Variants in HAUS6 observed in about 807,000 individuals in gnomAD.
The protein encoded by HAUS6 is HAUS augmin-like complex subunit 6.
A neutral mutation model predicts 106.8 loss-of-function variants in HAUS6; 80 were observed. That is an observed-to-expected ratio of 0.75 (90% CI 0.63 to 0.90). The LOEUF (loss-of-function observed/expected upper bound fraction) is 0.90, where lower values mean the gene tolerates loss of function less well. Ranked by LOEUF, HAUS6 falls within the 40% of genes least tolerant of loss-of-function variation. The pLI is 0.00. For synonymous variants in HAUS6, 356 were observed against 379.1 expected (o/e 0.94, Z 0.71); for missense variants, 1,155 against 1,118.1 (o/e 1.03, Z -0.47).
chr9:19,082,483 T>C (rs953627340), intron 8 of HAUS6, among the ~76,000 whole-genome samples: 3 of 152,152 alleles, frequency 2.0e-5, no homozygotes, highest in African/African-American at 7.2e-5. Flanking sequence ...GTGCGGTGGC[T>C]CACGCCTGTA....
At chr9:19,099,171 GTT>G (rs149869558) in intron 1 of HAUS6, among the ~76,000 whole-genome samples, 10 of 143,012 alleles carry the variant, frequency 7.0e-5, no homozygotes, top group East Asian at 4.2e-4. Flanking sequence ...GTTTTTTTGT[GTT>G]TTTTTTTTTT....
Position 19,094,380 on chromosome 9 carries a change from T to C in HAUS6, c.240A>G (p.Pro80=), listed in dbSNP as rs1400392205. The C allele has an allele frequency of 1.9e-6, 3 of 1,601,858 alleles. No homozygotes were observed. In the African/African-American group the frequency reaches 4.0e-5, roughly 22 times the overall value. The part of the protein sequence containing the change: ...TKEVFKFCWP[P]FDQKSDTEFR... ...ATTCAGTGTCACTTTTTTGGTCAAA[T>C]GGGGGCCAACAAAATCTGGAAAACA... Residue 80 remains proline, a synonymous_variant, in exon 3 of 17, where the codon CCA becomes CCG. Transcript: ENST00000380502.
intron 7 of HAUS6, among the ~76,000 whole-genome samples, chr9:19,085,535 T>C (rs1388742851): frequency 1.3e-5 from 2 of 151,902 alleles, no homozygotes; most frequent in African/African-American, 4.8e-5. Flanking sequence ...ACAATGTGCC[T>C]TGGAAGCCAA....
intron 9 of HAUS6, among the ~76,000 whole-genome samples, chr9:19,080,199 A>AC (rs1564014945): frequency 6.6e-6 from 1 of 150,636 alleles, no homozygotes; most frequent in African/African-American, 2.4e-5. Context: ...AAAAAAAAAA[A>AC]CTTTCCTAAG....
intron 12 of HAUS6, among the ~76,000 whole-genome samples, chr9:19,067,835 A>T (rs7022807): frequency 6.6e-6 from 1 of 151,672 alleles, no homozygotes; most frequent in Non-Finnish European, 1.5e-5. Context: ...TGGGATTATA[A>T]GCATGCGCCA....
Position 19,054,254 on chromosome 9 carries a change from T to TA in HAUS6, c.*2088dup, listed in dbSNP as rs1836422762. 1 of 152,180 alleles carries TA rather than the reference T, an allele frequency of 6.6e-6. No homozygotes were observed. Among genetic ancestry groups the TA allele is most frequent in the South Asian group, 2.1e-4 (1 of 4,832 alleles). 9.4% of individuals were successfully genotyped at this position (152,180 alleles called of 1,614,324 possible). A position where few individuals can be genotyped will look rare whatever the true frequency, so the allele number is the denominator to read the frequency against. ...GGAAGGGGGAGTAGAGGAAATCCGT[T>TA]ACAGGGGAACTTACATGCCTTTAAA... On this transcript the variant is annotated 3_prime_UTR_variant, in exon 17 of 17. Coordinates refer to ENST00000380502, the MANE Select transcript of HAUS6 (RefSeq NM_017645.5).
intron 12 of HAUS6, among the ~76,000 whole-genome samples, chr9:19,063,976 T>A (rs536453924): frequency 1.3e-5 from 2 of 151,890 alleles, no homozygotes; most frequent in South Asian, 4.2e-4. Context: ...TTTTATTTTT[T>A]TTTTTTTTGA....
Position 19,096,658 on chromosome 9 carries a change from A to C in HAUS6, c.224+16T>G, listed in dbSNP as rs546820254. On this transcript the variant is annotated intron_variant, in intron 2 of 16. Transcript: ENST00000380502. Reference sequence around the variant, plus strand: ...TTTGGAAAGAAATTTAAGAAAATGAAATTATTTTTCCTTACTTGAAAACTT... The same window carrying C: ...TTTGGAAAGAAATTTAAGAAAATGACATTATTTTTCCTTACTTGAAAACTT... 56 of 1,133,038 alleles carry C rather than the reference A, an allele frequency of 4.9e-5. No homozygotes were observed. The South Asian group carries it at 6.9e-4, about 14-fold the overall frequency. 70.2% of individuals were successfully genotyped at this position (1,133,038 alleles called of 1,614,324 possible).
chr9:19,095,304 C>A (rs1029905746), intron 2 of HAUS6, among the ~76,000 whole-genome samples: 2 of 152,002 alleles, frequency 1.3e-5, no homozygotes, highest in African/African-American at 4.8e-5. Context: ...TATTCTGAGG[C>A]ATAATTATTT....
Position 19,062,994 on chromosome 9 carries a change from C to T in HAUS6, c.1629+14G>A, listed in dbSNP as rs759086164. ...AACTGATATTTAAGTATACTCATTACAGTCTTTTCTCACCTCTTCTACCAG... is the reference window on the plus strand; with the variant it reads ...AACTGATATTTAAGTATACTCATTATAGTCTTTTCTCACCTCTTCTACCAG... On this transcript the variant is annotated intron_variant, in intron 14 of 16. Coordinates refer to ENST00000380502, the MANE Select transcript of HAUS6 (RefSeq NM_017645.5). 6 of 1,580,132 alleles carry T rather than the reference C, an allele frequency of 3.8e-6. No homozygotes were observed. Among genetic ancestry groups the T allele is most frequent in the Non-Finnish European group, 5.2e-6 (6 of 1,151,744 alleles).
At chr9:19,071,027 C>A (rs1000876254) in intron 11 of HAUS6, among the ~76,000 whole-genome samples, 2 of 152,154 alleles carry the variant, frequency 1.3e-5, no homozygotes, top group Non-Finnish European at 2.9e-5. Context: ...TACAGAAGAT[C>A]TGATATTCCA....
chr9:19,059,045 C>A, intron 15 of HAUS6, 44 bp from the exon 16 acceptor site: 2 of 1,032,438 alleles, frequency 1.9e-6, no homozygotes, highest in Non-Finnish European at 2.9e-6. Flanking sequence ...CATTCCCAAA[C>A]ATAGAGCATG....
At chr9:19,088,452 T>C (rs1817674468) in intron 5 of HAUS6, among the ~76,000 whole-genome samples, 1 of 150,806 alleles carries the variant, frequency 6.6e-6, no homozygotes, top group Non-Finnish European at 1.5e-5. Flanking sequence ...TATGGCAATA[T>C]GCAAAAATTT....
chr9:19,070,658 C>T (rs1836864630), intron 11 of HAUS6, among the ~76,000 whole-genome samples: 1 of 152,154 alleles, frequency 6.6e-6, no homozygotes, highest in Admixed American at 6.5e-5. Flanking sequence ...TTTCAGTGCA[C>T]ATTTATGGTA....
rs200269203 is a variant in HAUS6, at chr9:19,067,991, GC to G, written c.1376+2227del. Among the ~76,000 whole-genome samples the G allele has an allele frequency of 7.9e-3, 1,184 of 150,634 alleles. 14 individuals carry two copies. The highest frequency in any genetic ancestry group is 0.028 in the African/African-American group (1,137 of 40,970). ...TTACAGGCATGAGCCACCGCACCTG[GC>G]CCCCCAAAAAAAAAAGTTATCTTGA... On this transcript the variant is annotated intron_variant, in intron 12 of 16. Transcript: ENST00000380502.
chr9:19,078,133 A>AT, intron 10 of HAUS6, 43 bp downstream of exon 10: 27 of 1,410,264 alleles, frequency 1.9e-5, no homozygotes, highest in Non-Finnish European at 2.6e-5. Flanking sequence ...AAAAAAAAAA[A>AT]GGTGGGTGGC....
chr9:19,102,653 C>G lies in HAUS6; in HGVS notation c.-2G>C. On this transcript the variant is annotated 5_prime_UTR_variant, in exon 1 of 17. Transcript: ENST00000380502. ...AGCGGTGACCGAGGCCGAGCTCATC[C>G]TCGCGGTAGGCACGGTGGCTGCAAA... 4 of 1,611,132 alleles carry G rather than the reference C, an allele frequency of 2.5e-6. No individual in the cohort carries two copies. In the South Asian group the frequency reaches 4.4e-5, roughly 18 times the overall value.
At chr9:19,071,573 C>CT (rs34684530) in intron 11 of HAUS6, among the ~76,000 whole-genome samples, 17,042 of 109,364 alleles carry the variant, frequency 0.16, 1,304 homozygotes, top group Non-Finnish European at 0.18. Flanking sequence ...AAAATATTTT[C>CT]TTTTTTTTTT....
chr9:19,059,975 C>A, intron 15 of HAUS6, 113 bp downstream of exon 15: 8 of 751,920 alleles, frequency 1.1e-5, no homozygotes, highest in Non-Finnish European at 1.7e-5. Context: ...TCGATTACAA[C>A]AGCATAAATA....
Sources: allele counts gnomAD v4.1 joint callset (sites outside exome capture counted in the v4.1 genomes callset), GRCh38; gene constraint gnomAD v4.1.1; transcripts MANE v1.5; gene names NCBI Gene and HGNC (gene_info 2026-07-23, HGNC 2026-07-21).